PLXNA2: variants seen among roughly 807,000 people sequenced by gnomAD.
PLXNA2 encodes the protein plexin-A2.
Under a neutral mutation model 193.5 loss-of-function variants are expected in PLXNA2, and 91 were observed. The ratio of observed to expected loss-of-function variants is 0.47; its 90% CI spans 0.40 to 0.56. PLXNA2 has a LOEUF of 0.56. Ranked by LOEUF, PLXNA2 falls within the 20% of genes least tolerant of loss-of-function variation. The pLI is 0.00. For synonymous variants in PLXNA2, 997 were observed against 1,027.3 expected (o/e 0.97, Z 0.56); for missense variants, 1,995 against 2,503.2 (o/e 0.80, Z 4.33).
At chr1:208,219,214 G>A (rs1045802328) in intron 1 of PLXNA2, among the ~76,000 whole-genome samples, 6 of 152,226 alleles carry the variant, frequency 3.9e-5, no homozygotes, top group Non-Finnish European at 8.8e-5. Flanking sequence ...AAGCTGCCCA[G>A]AGGGGCAAGG....
chr1:208,244,004 A>AT lies in PLXNA2; in HGVS notation c.-443dup, dbSNP rs1672151176. ...GAAGCAGAGCCCCGGCTGTCTTCAG[A>AT]TTTTTCCAGCGCGACTTTCCGGGCT... is the stretch of plus-strand genomic sequence containing the variant. On this transcript the variant is annotated 5_prime_UTR_variant, in exon 1 of 32. The change abolishes the stop of an existing upstream ORF in the 5' untranslated region. Coordinates refer to ENST00000367033, the MANE Select transcript of PLXNA2 (RefSeq NM_025179.4). The AT allele has an allele frequency of 1.3e-5, 2 of 152,246 alleles. No homozygotes were observed. The highest frequency in any genetic ancestry group is 4.8e-5 in the African/African-American group (2 of 41,490). The allele number at this position is 152,246 out of a possible 1,614,324, so 9.4% of individuals were successfully genotyped here.
At position 208,038,804 on chromosome 1, in the gene PLXNA2, C is replaced by G. The variant is rs1308800194; in HGVS notation, c.4660+21G>C. 14 of 1,610,210 alleles carry G rather than the reference C, an allele frequency of 8.7e-6. No individual in the cohort carries two copies. The highest frequency in any genetic ancestry group is 1.2e-5 in the Non-Finnish European group (14 of 1,177,464). ...TCACCTCTCAACCCCTGCCCTCACA[C>G]TCTGAGTCCAGGTTTCCTACCCAAG... On this transcript the variant is annotated intron_variant, in intron 25 of 31. Transcript: ENST00000367033. The surrounding 1 kb of genome is among the most constrained non-coding windows in gnomAD (Gnocchi z 4.1).
Position 208,023,062 on chromosome 1 carries a change from T to C in PLXNA2, c.*4181A>G, listed in dbSNP as rs780405663. On this transcript the variant is annotated 3_prime_UTR_variant, in exon 32 of 32. Coordinates refer to ENST00000367033, the MANE Select transcript of PLXNA2 (RefSeq NM_025179.4). The stretch of plus-strand genomic sequence containing the variant: ...AAGAGAGACTGAGTTATGGAAAGGA[T>C]GCTACCATTTTTCTCAAAGCATGTT... The C allele has an allele frequency of 2.0e-5, 3 of 152,164 alleles. No individual in the cohort carries two copies. Among genetic ancestry groups the C allele is most frequent in the African/African-American group, 4.8e-5 (2 of 41,452 alleles). The allele number at this position is 152,164 out of a possible 1,614,324, so 9.4% of individuals were successfully genotyped here.
intron 22 of PLXNA2, among the ~76,000 whole-genome samples, chr1:208,040,846 C>A (rs1477087617): frequency 1.3e-5 from 2 of 152,176 alleles, no homozygotes; most frequent in East Asian, 3.9e-4. Flanking sequence ...AAGGGCTGGC[C>A]CCCCTCCCCT....
rs546029190 is a variant in PLXNA2 at position 208,042,695 on chromosome 1, T to G, written c.4018-329A>C. ...GTTTACTAGTCTCCCCTTAATCTCCTCTGCCTGATTTATTATCTTTAGTAA... is the reference window on the plus strand; with the variant it reads ...GTTTACTAGTCTCCCCTTAATCTCCGCTGCCTGATTTATTATCTTTAGTAA... On this transcript the variant is annotated intron_variant, in intron 21 of 31. Transcript: ENST00000367033. Among the ~76,000 whole-genome samples the G allele has an allele frequency of 3.1e-4, 47 of 152,340 alleles. 1 individual carries two copies. Among genetic ancestry groups the G allele is most frequent in the Admixed American group, 8.5e-4 (13 of 15,306 alleles).
At chr1:208,052,638 G>C (rs1446324530) in intron 14 of PLXNA2, among the ~76,000 whole-genome samples, 175 bp from the exon 15 acceptor site, 1 of 152,094 alleles carries the variant, frequency 6.6e-6, no homozygotes, top group Non-Finnish European at 1.5e-5. Context: ...CTCTTTCTAA[G>C]AATCATCTCT....
chr1:208,183,027 CT>C (rs1669893318), intron 3 of PLXNA2, among the ~76,000 whole-genome samples: 1 of 152,194 alleles, frequency 6.6e-6, no homozygotes, highest in African/African-American at 2.4e-5. Context: ...CTGGGGGAGG[CT>C]GTACAGAGAG....
At chr1:208,059,190 A>G (rs2102347024) in intron 13 of PLXNA2, among the ~76,000 whole-genome samples, 1 of 152,322 alleles carries the variant, frequency 6.6e-6, no homozygotes, top group South Asian at 2.1e-4. Context: ...ATGGTCTGCC[A>G]GGAGGACCTC....
intron 4 of PLXNA2, among the ~76,000 whole-genome samples, chr1:208,124,151 A>G (rs1667889744): frequency 6.6e-6 from 1 of 152,122 alleles, no homozygotes; most frequent in Admixed American, 6.5e-5. Flanking sequence ...CTCACTTACA[A>G]GTGGGAGCTA....
chr1:208,092,862 C>T lies in PLXNA2; in HGVS notation c.2021G>A (p.Trp674Ter), dbSNP rs1666760694. The T allele has an allele frequency of 6.2e-7, 1 of 1,613,958 alleles. No homozygotes were observed. Among genetic ancestry groups the T allele is most frequent in the Non-Finnish European group, 8.5e-7 (1 of 1,179,910 alleles). ...SCVNSAFRCH[W>*]CKYRNLCTHD... ...AGTGCAGAGGTTGCGGTACTTGCACCAATGGCAGCGGAAGGCGCTGTTGAC... is the reference window on the plus strand; with the variant it reads ...AGTGCAGAGGTTGCGGTACTTGCACTAATGGCAGCGGAAGGCGCTGTTGAC... The change falls in exon 9 of 32, where the codon TGG becomes TAG. Residue 674 changes from tryptophan (W) to a stop codon, truncating the protein, a stop_gained. Coordinates refer to ENST00000367033, the MANE Select transcript of PLXNA2 (RefSeq NM_025179.4). LOFTEE classifies it high-confidence loss of function.
Position 208,027,418 on chromosome 1 carries a change from C to A in PLXNA2, c.5590-80G>T, listed in dbSNP as rs940630631. Reference sequence around the variant, plus strand: ...ATTTTCTGGAGTCGTTCCCTCTTTGCCCTCTGTCTACCTTTCCATTCTGCC... The same window carrying A: ...ATTTTCTGGAGTCGTTCCCTCTTTGACCTCTGTCTACCTTTCCATTCTGCC... On this transcript the variant is annotated intron_variant, in intron 31 of 31. Transcript: ENST00000367033. 4 of 1,136,696 alleles carry A rather than the reference C, an allele frequency of 3.5e-6. No homozygotes were observed. The African/African-American group carries it at 4.5e-5, about 13-fold the overall frequency. The allele number at this position is 1,136,696 out of a possible 1,614,324, so 70.4% of individuals were successfully genotyped here. A position where few individuals can be genotyped will look rare whatever the true frequency, so the allele number is the denominator to read the frequency against.
In PLXNA2 at chr1:208,044,305, G is replaced by A. The variant is rs1664979580; in HGVS notation, c.3874+203C>T. Among the ~76,000 whole-genome samples the A allele has an allele frequency of 6.6e-6, 1 of 152,204 alleles. No homozygotes were observed. Among genetic ancestry groups the A allele is most frequent in the Admixed American group, 6.5e-5 (1 of 15,286 alleles). ...GGACTAGAACAATGCAATTGGACCT[G>A]GGTCCTCATGCAGTGGGCATTCTTC... is the stretch of plus-strand genomic sequence containing the variant. On this transcript the variant is annotated intron_variant, in intron 20 of 31. Transcript: ENST00000367033. The surrounding 1 kb of genome is among the most constrained non-coding windows in gnomAD (Gnocchi z 4.9).
chr1:208,124,269 C>G (rs1667892947), intron 4 of PLXNA2, among the ~76,000 whole-genome samples: 1 of 152,136 alleles, frequency 6.6e-6, no homozygotes, highest in African/African-American at 2.4e-5. Context: ...CTATTGGGTA[C>G]TAGGCTTAGT....
chr1:208,185,125 G>T (rs1010624196), intron 3 of PLXNA2, among the ~76,000 whole-genome samples: 2 of 152,186 alleles, frequency 1.3e-5, no homozygotes, highest in Admixed American at 6.5e-5. Context: ...AAGACTCCCA[G>T]AAAGATTTCC....
rs774681134 is a variant in PLXNA2 at position 208,043,072 on chromosome 1, G to A, written c.4006C>T (p.Arg1336Trp). Reference sequence around the variant, plus strand: ...GAGGCAGGCATTACCTCCAGCTCCCGCAGGACGGGGTGGTCCTCGATGCCC... The same window carrying A: ...GAGGCAGGCATTACCTCCAGCTCCCACAGGACGGGGTGGTCCTCGATGCCC... Reference protein sequence around the residue: ...FPGIEDHPVLRELEVQGNGQQ... With the variant: ...FPGIEDHPVLWELEVQGNGQQ... The change falls in exon 21 of 32, where the codon CGG becomes TGG. Residue 1336 changes from arginine (R) to tryptophan (W), a missense_variant. Around this residue, in one of 3 missense-constraint regions of PLXNA2, gnomAD observed 1,291 missense variants for 1,673.6 expected, o/e 0.77. Coordinates refer to ENST00000367033, the MANE Select transcript of PLXNA2 (RefSeq NM_025179.4). 5.6e-6 allele frequency: 9 copies of A among 1,613,456 alleles called. No individual in the cohort carries two copies. The highest frequency in any genetic ancestry group is 7.6e-6 in the Non-Finnish European group (9 of 1,179,986).
intron 3 of PLXNA2, among the ~76,000 whole-genome samples, chr1:208,185,220 T>A (rs545580206): frequency 4.5e-4 from 68 of 152,256 alleles, no homozygotes; most frequent in African/African-American, 1.4e-3. Flanking sequence ...GGAGGCCCTC[T>A]CAGTCCAGGA....
At position 208,209,989 on chromosome 1, in the gene PLXNA2, T is replaced by A. The variant is rs932825697; in HGVS notation, c.1371+291A>T. Reference sequence around the variant, plus strand: ...GATTTGGGAATGAAGAGCAATTTTTTTTTTTTTTTTTTTTTGCTTTTGCAG... The same window carrying A: ...GATTTGGGAATGAAGAGCAATTTTTATTTTTTTTTTTTTTTGCTTTTGCAG... On this transcript the variant is annotated intron_variant, in intron 3 of 31. Transcript: ENST00000367033. The A allele has an allele frequency of 5.2e-4, 93 of 177,972 alleles. 3 individuals are homozygous for A. The highest frequency in any genetic ancestry group is 2.9e-3 in the South Asian group (22 of 7,598). The allele number at this position is 177,972 out of a possible 1,614,324, so 11.0% of individuals were successfully genotyped here. A position where few individuals can be genotyped will look rare whatever the true frequency, so the allele number is the denominator to read the frequency against.
intron 27 of PLXNA2, among the ~76,000 whole-genome samples, 174 bp downstream of exon 27, chr1:208,034,319 C>T (rs996755899): frequency 3.9e-5 from 6 of 152,198 alleles, no homozygotes; most frequent in South Asian, 2.1e-4. Context: ...GCTCTGAGGG[C>T]GCAGGCTGCC....
intron 3 of PLXNA2, among the ~76,000 whole-genome samples, chr1:208,192,343 C>A (rs557192240): frequency 2.7e-4 from 41 of 151,988 alleles, no homozygotes; most frequent in African/African-American, 8.2e-4. Flanking sequence ...CACGTGCACA[C>A]ATATGGCAGG....
Sources: gnomAD v4.1 joint callset for allele counts (sites outside exome capture counted in the v4.1 genomes callset) on GRCh38, gnomAD v4.1.1 for gene constraint, gnomAD v4.1.1 regional missense constraint, Gnocchi (gnomAD v3.1) non-coding constraint, MANE v1.5 for transcripts, NCBI Gene and HGNC (gene_info 2026-07-23, HGNC 2026-07-21) for gene names.